DLGAP1: variants seen among roughly 807,000 people sequenced by gnomAD.
DLGAP1 encodes disks large-associated protein 1.
In DLGAP1, 11 loss-of-function variants were observed where a neutral mutation model predicts 90.8. The observed-to-expected ratio is 0.12, with a 90% confidence interval of 0.08 to 0.20. DLGAP1 has a LOEUF of 0.20. Among genes scored for constraint, DLGAP1 ranks in the 10% least tolerant of loss-of-function variants. The pLI is 1.00. For synonymous variants in DLGAP1, 558 were observed against 540.7 expected (o/e 1.03, Z -0.44); for missense variants, 1,050 against 1,333.8 (o/e 0.79, Z 3.31).
chr18:4,066,478 C>T (rs1399882325), intron 2 of DLGAP1, among the ~76,000 whole-genome samples: 1 of 151,830 alleles, frequency 6.6e-6, no homozygotes, highest in Non-Finnish European at 1.5e-5. Context: ...AACAAATTTA[C>T]AAGAAAAAAA....
At chr18:3,597,538 G>T (rs867213089) in intron 7 of DLGAP1, 41 of 302,308 alleles carry the variant, frequency 1.4e-4, no homozygotes, top group African/African-American at 8.5e-4. Context: ...GTCAGGCTGA[G>T]TCCTCACCAA....
intron 1 of DLGAP1, among the ~76,000 whole-genome samples, chr18:4,280,136 C>T (rs1296962059): frequency 6.6e-6 from 1 of 152,096 alleles, no homozygotes; most frequent in Non-Finnish European, 1.5e-5. Flanking sequence ...ACATTTCTGA[C>T]ATTCGATAAA....
intron 1 of DLGAP1, among the ~76,000 whole-genome samples, chr18:4,344,760 C>G (rs2143900028): frequency 1.3e-5 from 2 of 152,302 alleles, no homozygotes; most frequent in South Asian, 4.1e-4. Context: ...AGAAACCAAT[C>G]TGTCCTCAGA....
In DLGAP1 at chr18:3,823,270, G is replaced by C. The variant is rs559405382; in HGVS notation, c.958-8997C>G. On this transcript the variant is annotated intron_variant, in intron 4 of 12. Transcript: ENST00000315677. ...TGATCTAAGCTTACTCAGTCAGCAA[G>C]CATCTCTGGACCTGTGCATGAAATG... 1.4e-4 allele frequency among the ~76,000 whole-genome samples: 21 copies of C among 152,278 alleles called. 1 individual carries two copies. In the South Asian group the frequency reaches 4.1e-3, roughly 30 times the overall value.
intron 1 of DLGAP1, among the ~76,000 whole-genome samples, chr18:4,229,020 T>C (rs554740553): frequency 2.2e-4 from 34 of 152,048 alleles, no homozygotes; most frequent in Non-Finnish European, 4.4e-4. Flanking sequence ...AAAGCATCAG[T>C]AGCATTTATA....
At chr18:4,194,639 T>C (rs1290923054) in intron 1 of DLGAP1, among the ~76,000 whole-genome samples, 1 of 152,196 alleles carries the variant, frequency 6.6e-6, no homozygotes, top group African/African-American at 2.4e-5. Flanking sequence ...AACATCTATT[T>C]AGCCATGAAA....
chr18:4,004,398 G>A (rs888444727), intron 3 of DLGAP1, among the ~76,000 whole-genome samples: 16 of 151,886 alleles, frequency 1.1e-4, no homozygotes, highest in Non-Finnish European at 2.4e-4. Flanking sequence ...CCTGCTCTCC[G>A]GGGAGTCCCT....
At chr18:4,041,307 T>C (rs2074970871) in intron 2 of DLGAP1, among the ~76,000 whole-genome samples, 1 of 152,198 alleles carries the variant, frequency 6.6e-6, no homozygotes, top group Non-Finnish European at 1.5e-5. Context: ...TCTGAGTGAT[T>C]TTATAGGATT....
rs1482768464 is a variant in DLGAP1 at position 3,565,796 on chromosome 18, C to A, written c.2057+1694G>T. 6.6e-6 allele frequency among the ~76,000 whole-genome samples: 1 copy of A among 152,010 alleles called. No individual in the cohort carries two copies. Among genetic ancestry groups the A allele is most frequent in the African/African-American group, 2.4e-5 (1 of 41,406 alleles). On this transcript the variant is annotated intron_variant, in intron 9 of 12. Transcript: ENST00000315677. This position sits in a 1 kb window ranked among gnomAD's most constrained non-coding sequence, Gnocchi z 4.0. ...GTTGCAGTGAGCCGAAATTGCACCA[C>A]TGCACCCCAGCCTGGGCGACAGAGT... is the stretch of plus-strand genomic sequence containing the variant.
intron 1 of DLGAP1, among the ~76,000 whole-genome samples, chr18:4,277,443 C>A (rs2079441518): frequency 6.6e-6 from 1 of 152,108 alleles, no homozygotes; most frequent in African/African-American, 2.4e-5. Context: ...GAACCCAAGG[C>A]TTGTTAGCAT....
chr18:4,393,169 G>A (rs13381249), intron 1 of DLGAP1, among the ~76,000 whole-genome samples: 6,390 of 152,156 alleles, frequency 0.042, 422 homozygotes, highest in African/African-American at 0.15. Context: ...GAACAATTTT[G>A]TTGATTGCCT....
At chr18:3,808,816 C>T (rs1389054082) in intron 5 of DLGAP1, among the ~76,000 whole-genome samples, 1 of 151,894 alleles carries the variant, frequency 6.6e-6, no homozygotes, top group Non-Finnish European at 1.5e-5. Flanking sequence ...AAAACGTATA[C>T]AAGATAAACA....
At chr18:4,090,761 T>C (rs1303752831) in intron 2 of DLGAP1, among the ~76,000 whole-genome samples, 2 of 152,174 alleles carry the variant, frequency 1.3e-5, no homozygotes, top group Non-Finnish European at 2.9e-5. Flanking sequence ...CAAAGGAATA[T>C]GAATCATTCT....
chr18:3,720,048 A>T (rs2061917850), intron 7 of DLGAP1, among the ~76,000 whole-genome samples: 1 of 152,212 alleles, frequency 6.6e-6, no homozygotes, highest in Admixed American at 6.5e-5. Flanking sequence ...ACTTCTTGTC[A>T]GACATACATC....
chr18:3,560,803 T>C (rs2054043851), intron 9 of DLGAP1, among the ~76,000 whole-genome samples: 1 of 150,884 alleles, frequency 6.6e-6, no homozygotes. Flanking sequence ...TAATTTTCCA[T>C]TGAGCATTTA....
intron 5 of DLGAP1, among the ~76,000 whole-genome samples, chr18:3,808,443 A>T (rs543994751): frequency 9.2e-5 from 14 of 152,128 alleles, no homozygotes; most frequent in Non-Finnish European, 1.3e-4. Flanking sequence ...ATCACTGAGG[A>T]CGTAAATTCA....
intron 4 of DLGAP1, among the ~76,000 whole-genome samples, chr18:3,823,509 T>C (rs895130787): frequency 1.3e-5 from 2 of 152,230 alleles, no homozygotes; most frequent in Non-Finnish European, 2.9e-5. Flanking sequence ...CTTGTCAGAA[T>C]TGAAAGACAG....
chr18:4,394,332 A>G (rs1438579155), intron 1 of DLGAP1, among the ~76,000 whole-genome samples: 1 of 152,234 alleles, frequency 6.6e-6, no homozygotes, highest in Admixed American at 6.5e-5. Flanking sequence ...AATCAGGAGG[A>G]AACAAGAAGC....
chr18:4,429,104 C>T (rs1208882718), intron 1 of DLGAP1, among the ~76,000 whole-genome samples: 1 of 152,134 alleles, frequency 6.6e-6, no homozygotes, highest in Non-Finnish European at 1.5e-5. Context: ...TCTATAATAC[C>T]TTTGCAATGA....
Sources: allele counts gnomAD v4.1 joint callset (sites outside exome capture counted in the v4.1 genomes callset), GRCh38; gene constraint gnomAD v4.1.1; non-coding constraint Gnocchi (gnomAD v3.1); transcripts MANE v1.5; gene names NCBI Gene and HGNC (gene_info 2026-07-23, HGNC 2026-07-21).